RNF180: variants seen among roughly 807,000 people sequenced by gnomAD.
The protein encoded by RNF180 is E3 ubiquitin-protein ligase RNF180.
RNF180 carries 38 observed loss-of-function variants against 59.2 expected under a neutral mutation model. The observed-to-expected ratio is 0.64, with a 90% CI of 0.50 to 0.84. The LOEUF (loss-of-function observed/expected upper bound fraction) is 0.84, where lower values mean the gene tolerates loss of function less well. RNF180 is among the 40% of genes least tolerant of loss of function. RNF180 has a pLI of 0.00. For synonymous variants in RNF180, 262 were observed against 240.3 expected (o/e 1.09, Z -0.84); for missense variants, 705 against 700.9 (o/e 1.01, Z -0.07).
intron 7 of RNF180, among the ~76,000 whole-genome samples, chr5:64,347,350 A>G (rs1358886156): frequency 6.6e-6 from 1 of 152,200 alleles, no homozygotes; most frequent in African/African-American, 2.4e-5. Context: ...GTGGTTTAAA[A>G]TGGATATCAA....
At chr5:64,169,116 T>C (rs774376307) in intron 1 of RNF180, among the ~76,000 whole-genome samples, 11 of 152,184 alleles carry the variant, frequency 7.2e-5, no homozygotes, top group Non-Finnish European at 1.5e-4. Context: ...AAAAACTAGT[T>C]TGGTCTTTGA....
chr5:64,240,743 G>T (rs1440704194), intron 5 of RNF180, among the ~76,000 whole-genome samples: 2 of 152,110 alleles, frequency 1.3e-5, no homozygotes, highest in Admixed American at 6.5e-5. Context: ...TGCCTGGAAG[G>T]CTCTGCCCTG....
At chr5:64,225,037 G>A (rs900760120) in intron 5 of RNF180, among the ~76,000 whole-genome samples, 7 of 152,164 alleles carry the variant, frequency 4.6e-5, no homozygotes, top group African/African-American at 1.7e-4. Flanking sequence ...CCAGTCTTGG[G>A]CATTCTGTTA....
At chr5:64,302,991 C>A (rs1325013436) in intron 5 of RNF180, among the ~76,000 whole-genome samples, 1 of 151,668 alleles carries the variant, frequency 6.6e-6, no homozygotes, top group Non-Finnish European at 1.5e-5. Flanking sequence ...CCATCGGCAT[C>A]ATTTTTCCAA....
In RNF180 at chr5:64,372,545, T is replaced by G. The variant is rs1238522402; in HGVS notation, c.*2731T>G. On this transcript the variant is annotated 3_prime_UTR_variant, in exon 8 of 8. Coordinates refer to ENST00000389100, the MANE Select transcript of RNF180 (RefSeq NM_001113561.2). ...CATAACAAAATTCCAGTTAATAAAA[T>G]TTTCATTTAAATGTCTTTTGTATGG... is the stretch of plus-strand genomic sequence containing the variant. 6.6e-6 allele frequency: 1 copy of G among 151,970 alleles called. No homozygotes were observed. The highest frequency in any genetic ancestry group is 2.4e-5 in the African/African-American group (1 of 41,446). 9.4% of individuals were successfully genotyped at this position (151,970 alleles called of 1,614,324 possible). A position where few individuals can be genotyped will look rare whatever the true frequency, so the allele number is the denominator to read the frequency against.
chr5:64,212,439 A>G (rs1580011269), intron 3 of RNF180, among the ~76,000 whole-genome samples: 1 of 152,074 alleles, frequency 6.6e-6, no homozygotes, highest in Admixed American at 6.6e-5. Context: ...ACACACACAT[A>G]TACATATTTA....
At chr5:64,182,572 C>T (rs1750657358) in intron 1 of RNF180, among the ~76,000 whole-genome samples, 1 of 152,192 alleles carries the variant, frequency 6.6e-6, no homozygotes, top group Non-Finnish European at 1.5e-5. Context: ...TAAGCTAAAT[C>T]TTTATCTTAG....
At chr5:64,179,927 C>T (rs534427510) in intron 1 of RNF180, among the ~76,000 whole-genome samples, 1 of 152,114 alleles carries the variant, frequency 6.6e-6, no homozygotes, top group African/African-American at 2.4e-5. Flanking sequence ...TTAATTTTTC[C>T]CAGTGTGATG....
rs141995180 is a variant in RNF180, at chr5:64,214,508, A to G, written c.1182A>G (p.Leu394=). The change falls in exon 4 of 8, where the codon CTA becomes CTG. Residue 394 remains leucine, a synonymous_variant. Coordinates refer to ENST00000389100, the MANE Select transcript of RNF180 (RefSeq NM_001113561.2). ...AACAACGAAGGCGTGAAAGATGGCT[A>G]CAGAAGCAGGTAATATTTTTCAAAA... ...RRKQRRRERW[L]QKQGKYSGVG... The G allele has an allele frequency of 3.8e-5, 61 of 1,611,896 alleles. No individual in the cohort carries two copies. Among genetic ancestry groups the G allele is most frequent in the Non-Finnish European group, 4.8e-5 (56 of 1,178,676 alleles).
chr5:64,250,208 G>T (rs1743475346), intron 5 of RNF180, among the ~76,000 whole-genome samples: 1 of 152,058 alleles, frequency 6.6e-6, no homozygotes, highest in Admixed American at 6.6e-5. Flanking sequence ...ATGTGCTCCT[G>T]AACAACCAAT....
intron 1 of RNF180, among the ~76,000 whole-genome samples, chr5:64,167,041 C>G (rs1300255441): frequency 1.1e-4 from 16 of 152,180 alleles, no homozygotes; most frequent in Admixed American, 1.0e-3. Flanking sequence ...TGAGTGGTAT[C>G]ATTTGAGTCG....
intron 5 of RNF180, among the ~76,000 whole-genome samples, chr5:64,316,363 A>G (rs951487738): frequency 6.6e-6 from 1 of 152,184 alleles, no homozygotes; most frequent in Non-Finnish European, 1.5e-5. Context: ...TTATTTTGCT[A>G]AAGAGGAATA....
At chr5:64,349,043 A>G (rs149470699) in intron 7 of RNF180, among the ~76,000 whole-genome samples, 1 of 152,206 alleles carries the variant, frequency 6.6e-6, no homozygotes, top group East Asian at 1.9e-4. Context: ...TAAATAAGTA[A>G]CCTCTAAAGT....
chr5:64,276,143 C>T (rs952666334), intron 5 of RNF180, among the ~76,000 whole-genome samples: 1 of 152,076 alleles, frequency 6.6e-6, no homozygotes, highest in African/African-American at 2.4e-5. Flanking sequence ...CCTTCCAAAT[C>T]TATTATTTAT....
intron 2 of RNF180, among the ~76,000 whole-genome samples, chr5:64,206,620 C>T (rs899086763): frequency 1.3e-5 from 2 of 152,288 alleles, no homozygotes; most frequent in African/African-American, 4.8e-5. Flanking sequence ...TTAGCACATG[C>T]TATGCTATGG....
chr5:64,190,012 G>A (rs1480665187), intron 1 of RNF180, among the ~76,000 whole-genome samples: 1 of 152,152 alleles, frequency 6.6e-6, no homozygotes, highest in East Asian at 1.9e-4. Context: ...GACTCACAGG[G>A]CTAAGGCTGT....
chr5:64,293,915 A>C (rs1742739819), intron 5 of RNF180, among the ~76,000 whole-genome samples: 1 of 152,218 alleles, frequency 6.6e-6, no homozygotes, highest in African/African-American at 2.4e-5. Flanking sequence ...CATGCAGTAC[A>C]TCCTTTTTAA....
At chr5:64,360,301 C>T (rs1312882672) in intron 7 of RNF180, among the ~76,000 whole-genome samples, 1 of 151,578 alleles carries the variant, frequency 6.6e-6, no homozygotes, top group Admixed American at 6.6e-5. Flanking sequence ...TAAACAGAGC[C>T]AAAGACAAAA....
At chr5:64,225,241 C>T (rs201163603) in intron 5 of RNF180, among the ~76,000 whole-genome samples, 38 of 152,322 alleles carry the variant, frequency 2.5e-4, no homozygotes, top group African/African-American at 7.0e-4. Flanking sequence ...TTTGGCCTTA[C>T]GCATAGGAAA....
Sources: allele counts gnomAD v4.1 joint callset (sites outside exome capture counted in the v4.1 genomes callset), GRCh38; gene constraint gnomAD v4.1.1; transcripts MANE v1.5; gene names NCBI Gene and HGNC (gene_info 2026-07-23, HGNC 2026-07-21).